Variants in CCNB2 observed in about 807,000 individuals in gnomAD.
The protein encoded by CCNB2 is cyclin B2, also known as G2/mitotic-specific cyclin-B2.
A neutral mutation model predicts 51.1 loss-of-function variants in CCNB2; 39 were observed. The ratio of observed to expected loss-of-function variants is 0.76; its 90% CI spans 0.59 to 1.00. The LOEUF is 1.00. CCNB2 is among the 50% of genes least tolerant of loss of function. The pLI, the probability that CCNB2 is intolerant of heterozygous loss-of-function variation, is 0.00. For missense variants in CCNB2, 472 were observed against 470.3 expected (o/e 1.00, Z -0.03); for synonymous variants, 174 against 165.5 (o/e 1.05, Z -0.40).
Position 59,114,481 on chromosome 15 carries a change from A to T in CCNB2, c.305A>T (p.Glu102Val), listed in dbSNP as rs774800920. Residue 102 changes from glutamate (E) to valine (V), a missense_variant, in exon 4 of 9, where the codon GAA becomes GTA. Transcript: ENST00000288207. ...ACACCTGAGGATGTCTCCATGAAGG[A>T]AGAGAATCTCTGCCAAGCTTTTTCT... is the stretch of plus-strand genomic sequence containing the variant. ...SPTPEDVSMK[E>V]ENLCQAFSDA... 6.2e-7 allele frequency: 1 copy of T among 1,612,250 alleles called. No homozygotes were observed. The highest frequency in any genetic ancestry group is 8.5e-7 in the Non-Finnish European group (1 of 1,179,350).
Position 59,124,878 on chromosome 15 carries a change from G to A in CCNB2, c.*1G>A, listed in dbSNP as rs758454644. On this transcript the variant is annotated 3_prime_UTR_variant, in exon 9 of 9. Coordinates refer to ENST00000288207, the MANE Select transcript of CCNB2 (RefSeq NM_004701.4). ...CTCCCCACTGATAGGAAGGTCCTAGGCTGCCGTGGCCCCTGGGGATGTGTG... is the reference window on the plus strand; with the variant it reads ...CTCCCCACTGATAGGAAGGTCCTAGACTGCCGTGGCCCCTGGGGATGTGTG... 6.4e-7 allele frequency: 1 copy of A among 1,558,736 alleles called. No homozygotes were observed. The highest frequency in any genetic ancestry group is 1.4e-5 in the African/African-American group (1 of 72,760).
chr15:59,111,493 T>C (rs1416578855), intron 3 of CCNB2, among the ~76,000 whole-genome samples: 3 of 152,264 alleles, frequency 2.0e-5, no homozygotes, highest in East Asian at 1.9e-4. Context: ...ATGCTTATCC[T>C]TGAAAAAGTT....
chr15:59,108,067 CAG>C (rs1479424730), intron 3 of CCNB2, among the ~76,000 whole-genome samples: 1 of 151,776 alleles, frequency 6.6e-6, no homozygotes, highest in African/African-American at 2.4e-5. Context: ...AAATAAAGGA[CAG>C]AATGGTTCAG....
rs2079271690 is a variant in CCNB2, at chr15:59,114,740, ATT to A, written c.463_464del (p.Phe155LeufsTer26). 6.2e-7 allele frequency: 1 copy of A among 1,612,414 alleles called. No individual in the cohort carries two copies. Among genetic ancestry groups the A allele is most frequent in the Non-Finnish European group, 8.5e-7 (1 of 1,178,636 alleles). The stretch of plus-strand genomic sequence containing the variant: ...CAGGTTTTGCAGTCCATAAACCCAC[ATT>A]TCTTAGATGGAAGAGATATAAATGG... On this transcript the variant is annotated frameshift_variant, in exon 5 of 9. Transcript: ENST00000288207. LOFTEE classifies it high-confidence loss of function.
Position 59,123,585 on chromosome 15 carries a change from C to A in CCNB2, c.1044C>A (p.Ala348=), listed in dbSNP as rs761368739. The change falls in exon 8 of 9, where the codon GCC becomes GCA. Residue 348 remains alanine, a synonymous_variant. Coordinates refer to ENST00000288207, the MANE Select transcript of CCNB2 (RefSeq NM_004701.4). ...NEVLEVMQHM[A]KNVVKVNENL... ...TATTGGAAGTCATGCAGCACATGGCCAAGAATGTGGTGAAAGTAAATGAAA... is the reference window on the plus strand; with the variant it reads ...TATTGGAAGTCATGCAGCACATGGCAAAGAATGTGGTGAAAGTAAATGAAA... The A allele has an allele frequency of 6.2e-7, 1 of 1,606,900 alleles. No homozygotes were observed. The highest frequency in any genetic ancestry group is 1.1e-5 in the South Asian group (1 of 90,980).
intron 8 of CCNB2, 72 bp from the exon 9 acceptor site, chr15:59,124,695 T>G: frequency 2.0e-6 from 2 of 1,025,214 alleles, no homozygotes; most frequent in Non-Finnish European, 3.1e-6. Context: ...CTTTGATAAT[T>G]GTGAGTTAGA....
chr15:59,108,865 G>A (rs28383504), intron 3 of CCNB2, among the ~76,000 whole-genome samples: 12,702 of 152,202 alleles, frequency 0.083, 1,420 homozygotes, highest in African/African-American at 0.25. Flanking sequence ...CTTAGAAAAA[G>A]TAGTTGAGAT....
At position 59,114,876 on chromosome 15, in the gene CCNB2, G is replaced by A. The variant is rs745308502; in HGVS notation, c.597G>A (p.Gln199=). The change falls in exon 5 of 9, where the codon CAG becomes CAA. Residue 199 remains glutamine (Q), a splice_region_variant and synonymous_variant. Transcript: ENST00000288207. ...TTGGCATTATGGATCGATTTTTACA[G>A]GTAGGTGTGGCTTCAGGGACTTCAC... ...MCVGIMDRFL[Q]VQPVSRKKLQ... is the part of the protein sequence containing the mutation. 12 of 1,610,938 alleles carry A rather than the reference G, an allele frequency of 7.4e-6. No homozygotes were observed. The highest frequency in any genetic ancestry group is 1.0e-5 in the Non-Finnish European group (12 of 1,177,610).
chr15:59,106,278 C>T (rs1596329142), intron 1 of CCNB2, among the ~76,000 whole-genome samples: 1 of 152,288 alleles, frequency 6.6e-6, no homozygotes, highest in East Asian at 1.9e-4. Flanking sequence ...AGATTGAATA[C>T]ATTTAGCATT....
chr15:59,105,795 A>G (rs1596329068), intron 1 of CCNB2, among the ~76,000 whole-genome samples: 1 of 152,272 alleles, frequency 6.6e-6, no homozygotes, highest in Middle Eastern at 3.4e-3. Flanking sequence ...GATTGTTCAC[A>G]TTTCTTTTTG....
intron 1 of CCNB2, among the ~76,000 whole-genome samples, chr15:59,105,630 T>C (rs1228119956): frequency 1.3e-5 from 2 of 152,226 alleles, no homozygotes; most frequent in African/African-American, 2.4e-5. Context: ...TAGAGAGTTA[T>C]CTACTTCCAC....
chr15:59,112,103 C>A (rs1160506942), intron 3 of CCNB2, among the ~76,000 whole-genome samples: 1 of 152,138 alleles, frequency 6.6e-6, no homozygotes, highest in Non-Finnish European at 1.5e-5. Context: ...CCACCTGCCT[C>A]AGCCTTCCAA....
At chr15:59,124,550 C>G in intron 8 of CCNB2, 1 of 546,392 alleles carries the variant, frequency 1.8e-6, no homozygotes, top group South Asian at 2.1e-5. Flanking sequence ...TTGTTCCTAT[C>G]ACCTGTGCTA....
At chr15:59,121,746 A>G (rs2079302603) in intron 7 of CCNB2, among the ~76,000 whole-genome samples, 1 of 152,004 alleles carries the variant, frequency 6.6e-6, no homozygotes, top group Non-Finnish European at 1.5e-5. Context: ...AGCCTAGCCA[A>G]CATGGTAAAA....
Position 59,123,454 on chromosome 15 carries a change from AAAG to A in CCNB2, c.976-59_976-57del, listed in dbSNP as rs1228883077. Reference sequence around the variant, plus strand: ...CATCATGTACAAGATGTGTTCTTCTAAAGAAGCAGAGGTTTTCTCTTGCCCCTC... The same window carrying A: ...CATCATGTACAAGATGTGTTCTTCTAAAGCAGAGGTTTTCTCTTGCCCCTC... On this transcript the variant is annotated intron_variant, in intron 7 of 8. Coordinates refer to ENST00000288207, the MANE Select transcript of CCNB2 (RefSeq NM_004701.4). 11 of 905,834 alleles carry A rather than the reference AAAG, an allele frequency of 1.2e-5. No homozygotes were observed. The East Asian group carries it at 2.2e-4, about 18-fold the overall frequency. 56.1% of individuals were successfully genotyped at this position (905,834 alleles called of 1,614,324 possible). A position where few individuals can be genotyped will look rare whatever the true frequency, so the allele number is the denominator to read the frequency against.
At chr15:59,121,269 A>C (rs978177131) in intron 7 of CCNB2, 2 of 152,170 alleles carry the variant, frequency 1.3e-5, no homozygotes, top group Non-Finnish European at 2.9e-5. Context: ...TGAAGGATAT[A>C]TAGAGGATCA....
chr15:59,107,672 T>TA lies in CCNB2; in HGVS notation c.267+3dup. The TA allele has an allele frequency of 6.2e-7, 1 of 1,611,050 alleles. No homozygotes were observed. Among genetic ancestry groups the TA allele is most frequent in the South Asian group, 1.1e-5 (1 of 90,904 alleles). ...CAGATGGAAAAGTTGGCTCCAAAGG[T>TA]AGGAAGTTCTGAATTTACAAACGTA... On this transcript the variant is annotated splice_region_variant and intron_variant, in intron 3 of 8. Transcript: ENST00000288207.
At chr15:59,120,880 T>C (rs1298193977) in intron 7 of CCNB2, among the ~76,000 whole-genome samples, 3 of 152,232 alleles carry the variant, frequency 2.0e-5, no homozygotes, top group African/African-American at 7.2e-5. Flanking sequence ...AGCTCAGCAT[T>C]ACCACTGGCA....
In CCNB2 at chr15:59,109,738, G is replaced by A. The variant is rs372323110; in HGVS notation, c.267+2068G>A. 4.0e-4 allele frequency among the ~76,000 whole-genome samples: 61 copies of A among 152,326 alleles called. No homozygotes were observed. The East Asian group carries it at 0.01, about 26-fold the overall frequency. ...GCAGTGGCTCACGCCTGTAATCCCA[G>A]CACTTTGGGAGGCCGAGGCGGGCGG... On this transcript the variant is annotated intron_variant, in intron 3 of 8. Transcript: ENST00000288207.
Sources: allele counts gnomAD v4.1 joint callset (sites outside exome capture counted in the v4.1 genomes callset), GRCh38; gene constraint gnomAD v4.1.1; transcripts MANE v1.5; gene names NCBI Gene and HGNC (gene_info 2026-07-23, HGNC 2026-07-21).